The following RUNX2 variants were observed in gnomAD, a reference collection of about 807,000 sequenced individuals.
The protein encoded by RUNX2 is RUNX family transcription factor 2.
In RUNX2, 10 loss-of-function variants were observed where a neutral mutation model predicts 51.7. The observed-to-expected ratio is 0.19, with a 90% CI of 0.12 to 0.33. RUNX2 has a LOEUF of 0.33. Ranked by LOEUF, RUNX2 falls within the 10% of genes least tolerant of loss-of-function variation. The pLI is 1.00. For synonymous variants in RUNX2, 276 were observed against 273.6 expected (o/e 1.01, Z -0.09); for missense variants, 562 against 691.3 (o/e 0.81, Z 2.10).
At chr6:45,362,849 T>TC (rs1794497283) in intron 2 of RUNX2, among the ~76,000 whole-genome samples, 1 of 152,056 alleles carries the variant, frequency 6.6e-6, no homozygotes, top group African/African-American at 2.4e-5. Flanking sequence ...CTCAGTTTTT[T>TC]TAAAATGGCC....
rs1802313282 is a variant in RUNX2 at position 45,543,963 on chromosome 6, T to C, written c.1022-1254T>C. On this transcript the variant is annotated intron_variant, in intron 7 of 8. Transcript: ENST00000647337. ...TGATTATTTTATAAGGGATCTCGTA[T>C]GGTACTAGAGCAAATTGTTACTATT... Among the ~76,000 whole-genome samples, 4 of 151,234 alleles carry C rather than the reference T, an allele frequency of 2.6e-5. No individual in the cohort carries two copies. In the South Asian group the frequency reaches 8.4e-4, roughly 32 times the overall value.
At chr6:45,538,474 A>G (rs1563129884) in intron 7 of RUNX2, among the ~76,000 whole-genome samples, 1 of 152,064 alleles carries the variant, frequency 6.6e-6, no homozygotes, top group Non-Finnish European at 1.5e-5. Flanking sequence ...AGATAAGATT[A>G]CCAATATCTA....
At chr6:45,356,143 T>C (rs1417337329) in intron 2 of RUNX2, among the ~76,000 whole-genome samples, 2 of 152,268 alleles carry the variant, frequency 1.3e-5, no homozygotes, top group Admixed American at 6.5e-5. Context: ...AGGAAAAAAA[T>C]GTTATGCCAA....
chr6:45,544,013 A>C (rs1488359134), intron 7 of RUNX2, among the ~76,000 whole-genome samples: 5 of 151,506 alleles, frequency 3.3e-5, no homozygotes, highest in Non-Finnish European at 7.4e-5. Context: ...ATGTTGCAAA[A>C]TGTTTCAGGA....
chr6:45,363,175 A>G (rs2150260970), intron 2 of RUNX2, among the ~76,000 whole-genome samples: 1 of 152,306 alleles, frequency 6.6e-6, no homozygotes, highest in East Asian at 1.9e-4. Flanking sequence ...GGCACAGAGC[A>G]TGAAGGCTTC....
chr6:45,360,121 T>C (rs1175073914), intron 2 of RUNX2, among the ~76,000 whole-genome samples: 1 of 152,232 alleles, frequency 6.6e-6, no homozygotes, highest in African/African-American at 2.4e-5. Context: ...TAGTTTAGCA[T>C]AAGTGCAACA....
At chr6:45,402,811 A>G (rs567888256) in intron 2 of RUNX2, among the ~76,000 whole-genome samples, 1 of 152,286 alleles carries the variant, frequency 6.6e-6, no homozygotes, top group African/African-American at 2.4e-5. Context: ...AATCAAGGCT[A>G]CAGTGAGCCA....
chr6:45,514,549 G>A (rs932623195), intron 7 of RUNX2, among the ~76,000 whole-genome samples: 1 of 152,114 alleles, frequency 6.6e-6, no homozygotes, highest in African/African-American at 2.4e-5. Flanking sequence ...CAGGGTGGGA[G>A]GTTCTGTATA....
intron 2 of RUNX2, among the ~76,000 whole-genome samples, chr6:45,408,694 A>C (rs191374180): frequency 6.6e-6 from 1 of 152,156 alleles, no homozygotes; most frequent in East Asian, 1.9e-4. Context: ...GAGTTCATAC[A>C]TCTTGTCTCT....
intron 2 of RUNX2, among the ~76,000 whole-genome samples, chr6:45,386,269 A>G (rs1487900961): frequency 6.6e-6 from 1 of 151,940 alleles, no homozygotes; most frequent in Non-Finnish European, 1.5e-5. Flanking sequence ...GTTTCTCCAT[A>G]TTGGTCAGGC....
Position 45,432,058 on chromosome 6 carries a change from A to G in RUNX2, c.580+39A>G, listed in dbSNP as rs764996948. 44 of 1,594,874 alleles carry G rather than the reference A, an allele frequency of 2.8e-5. No individual in the cohort carries two copies. In the East Asian group the frequency reaches 9.6e-4, roughly 35 times the overall value. On this transcript the variant is annotated intron_variant, in intron 4 of 8. Coordinates refer to ENST00000647337, the MANE Select transcript of RUNX2 (RefSeq NM_001024630.4). The stretch of plus-strand genomic sequence containing the variant: ...TTTTGATACTGATAATAGAATAAGC[A>G]CATTAGGCTCCTTTGATGAAATGTA...
intron 5 of RUNX2, among the ~76,000 whole-genome samples, chr6:45,469,022 C>A (rs1399492600): frequency 6.6e-6 from 1 of 152,188 alleles, no homozygotes; most frequent in Non-Finnish European, 1.5e-5. Flanking sequence ...TCTTTCATTT[C>A]TGCCTTTTGA....
chr6:45,462,381 T>C (rs1799501812), intron 5 of RUNX2, among the ~76,000 whole-genome samples: 1 of 152,330 alleles, frequency 6.6e-6, no homozygotes, highest in East Asian at 1.9e-4. Flanking sequence ...GATAGTCTTA[T>C]AGGTCTTATG....
intron 4 of RUNX2, among the ~76,000 whole-genome samples, chr6:45,437,656 C>A (rs1262514310): frequency 6.6e-6 from 1 of 152,090 alleles, no homozygotes; most frequent in African/African-American, 2.4e-5. Context: ...CTCAAGTGGA[C>A]CAGGGTTTTG....
intron 2 of RUNX2, among the ~76,000 whole-genome samples, chr6:45,355,438 A>T (rs1404167059): frequency 6.6e-6 from 1 of 152,056 alleles, no homozygotes; most frequent in Non-Finnish European, 1.5e-5. Flanking sequence ...CCTACCCATA[A>T]AATTTCCAGG....
At chr6:45,483,524 G>A (rs150228105) in intron 5 of RUNX2, among the ~76,000 whole-genome samples, 137 of 152,292 alleles carry the variant, frequency 9.0e-4, no homozygotes, top group Admixed American at 8.8e-3. Context: ...GGGGCTCTCA[G>A]TCAAGTCTAG....
At chr6:45,331,048 C>T (rs1787375857) in intron 2 of RUNX2, among the ~76,000 whole-genome samples, 1 of 151,796 alleles carries the variant, frequency 6.6e-6, no homozygotes, top group Admixed American at 6.6e-5. Flanking sequence ...TTAGGATTTT[C>T]CTAGGTGAGG....
intron 2 of RUNX2, among the ~76,000 whole-genome samples, chr6:45,407,903 C>A (rs1479490171): frequency 1.3e-5 from 2 of 152,024 alleles, no homozygotes; most frequent in African/African-American, 4.8e-5. Context: ...ATTGAAATTG[C>A]AAGTAAGTAG....
At chr6:45,446,299 T>C (rs943720484) in intron 5 of RUNX2, among the ~76,000 whole-genome samples, 11 of 152,208 alleles carry the variant, frequency 7.2e-5, no homozygotes, top group African/African-American at 2.2e-4. Flanking sequence ...TATGTTCCAG[T>C]TGATATATTT....
Sources: gnomAD v4.1 joint callset for allele counts (sites outside exome capture counted in the v4.1 genomes callset) on GRCh38, gnomAD v4.1.1 for gene constraint, MANE v1.5 for transcripts, NCBI Gene and HGNC (gene_info 2026-07-23, HGNC 2026-07-21) for gene names.